Variants in SPIRE2 observed in about 807,000 individuals in gnomAD.
The protein encoded by SPIRE2 is protein spire homolog 2.
SPIRE2 carries 76 observed loss-of-function variants against 80.7 expected under a neutral mutation model. The ratio of observed to expected loss-of-function variants is 0.94; its 90% CI spans 0.78 to 1.14. The LOEUF is 1.14. Among genes scored for constraint, SPIRE2 ranks in the 50% most tolerant of loss-of-function variants. The pLI, the probability that SPIRE2 is intolerant of heterozygous loss-of-function variation, is 0.00. For missense variants in SPIRE2, 1,196 were observed against 1,015.3 expected (o/e 1.18, Z -2.42); for synonymous variants, 535 against 432.6 (o/e 1.24, Z -2.94).
intron 14 of SPIRE2, 64 bp from the exon 15 acceptor site, chr16:89,869,986 G>C (rs1263168713): frequency 5.0e-5 from 71 of 1,430,348 alleles, no homozygotes; most frequent in Non-Finnish European, 6.6e-5. Context: ...GCATGCACAA[G>C]CAGGGAGGGG....
At chr16:89,854,720 A>G (rs12598757) in intron 5 of SPIRE2, 69 bp downstream of exon 5, 108,125 of 1,463,562 alleles carry the variant, frequency 0.074, 5,458 homozygotes, top group African/African-American at 0.18. Context: ...GACGCAGATG[A>G]GCAGCCTGGA....
intron 10 of SPIRE2, among the ~76,000 whole-genome samples, chr16:89,861,537 G>A (rs935370218): frequency 6.6e-6 from 1 of 152,228 alleles, no homozygotes; most frequent in South Asian, 2.1e-4. Flanking sequence ...CGTTAGCCTA[G>A]GATTAGCTAT....
chr16:89,836,164 G>A (rs1228613787), intron 1 of SPIRE2: 1 of 455,638 alleles, frequency 2.2e-6, no homozygotes. Flanking sequence ...GACACAGTGA[G>A]ACTCCATTTC....
intron 14 of SPIRE2, 71 bp downstream of exon 14, chr16:89,869,753 G>A: frequency 8.4e-7 from 1 of 1,188,186 alleles, no homozygotes; most frequent in Non-Finnish European, 1.2e-6. Context: ...GAGCTGGGGT[G>A]GAGGGGGCTG....
chr16:89,838,284 G>A lies in SPIRE2; in HGVS notation c.245-7038G>A, dbSNP rs1226947431. Among the ~76,000 whole-genome samples, 3 of 149,346 alleles carry A rather than the reference G, an allele frequency of 2.0e-5. No homozygotes were observed. In the Admixed American group the frequency reaches 2.1e-4, roughly 10 times the overall value. The stretch of plus-strand genomic sequence containing the variant: ...TGCAAACTCCACCTCCTAGGTTCTT[G>A]CCATTCTCCTGCCTCAGCCTCCTGA... On this transcript the variant is annotated intron_variant, in intron 1 of 14. Transcript: ENST00000378247.
chr16:89,850,870 C>G (rs1045403583), intron 3 of SPIRE2, among the ~76,000 whole-genome samples: 2 of 152,050 alleles, frequency 1.3e-5, no homozygotes, highest in Admixed American at 1.3e-4. Context: ...GGGTCTCACT[C>G]TGTCACCCAG....
At chr16:89,864,248 A>G (rs55911767) in intron 12 of SPIRE2, among the ~76,000 whole-genome samples, 47,717 of 152,028 alleles carry the variant, frequency 0.31, 9,024 homozygotes, top group East Asian at 0.89. Context: ...CGGACTCCCC[A>G]GATGGAGGAG....
At chr16:89,829,358 ATT>A (rs2041357664) in intron 1 of SPIRE2, among the ~76,000 whole-genome samples, 2 of 152,238 alleles carry the variant, frequency 1.3e-5, no homozygotes, top group Non-Finnish European at 2.9e-5. Flanking sequence ...AGAACCAACA[ATT>A]AAGCCCTAGA....
intron 1 of SPIRE2, among the ~76,000 whole-genome samples, chr16:89,836,952 G>A (rs1375241840): frequency 2.6e-5 from 4 of 152,212 alleles, no homozygotes; most frequent in African/African-American, 9.6e-5. Context: ...CCAGGATTGC[G>A]CCATTGCACT....
intron 12 of SPIRE2, among the ~76,000 whole-genome samples, chr16:89,865,994 G>T (rs949441947): frequency 1.4e-5 from 2 of 146,186 alleles, no homozygotes; most frequent in Admixed American, 1.4e-4. Context: ...AAAAGGTAAG[G>T]CTGGATATGG....
intron 9 of SPIRE2, 118 bp downstream of exon 9, chr16:89,859,472 G>A (rs2143820244): frequency 1.9e-6 from 1 of 531,586 alleles, no homozygotes; most frequent in Non-Finnish European, 2.9e-6. Flanking sequence ...AGGGACCCAG[G>A]GAGCTCGTGC....
intron 1 of SPIRE2, among the ~76,000 whole-genome samples, chr16:89,833,332 C>T (rs1252537948): frequency 2.0e-5 from 3 of 152,002 alleles, no homozygotes; most frequent in African/African-American, 4.8e-5. Context: ...ACCATGTTGG[C>T]CAGGCTGGTC....
At chr16:89,844,866 A>G (rs2041542477) in intron 1 of SPIRE2, among the ~76,000 whole-genome samples, 1 of 152,176 alleles carries the variant, frequency 6.6e-6, no homozygotes, top group Non-Finnish European at 1.5e-5. Context: ...TATAGGTGTG[A>G]GCCACCACAT....
chr16:89,836,378 G>A (rs1014149320), intron 1 of SPIRE2: 12 of 391,902 alleles, frequency 3.1e-5, no homozygotes, highest in Admixed American at 5.9e-5. Context: ...ACCGGGGGCC[G>A]AGAATCTGAG....
At chr16:89,861,225 C>T (rs928339701) in intron 10 of SPIRE2, among the ~76,000 whole-genome samples, 7 of 152,166 alleles carry the variant, frequency 4.6e-5, no homozygotes, top group African/African-American at 1.7e-4. Context: ...AAGAGCTCAC[C>T]TTTGCTGACA....
rs2041346098 is a variant in SPIRE2, at chr16:89,828,489, C to T, written c.-62C>T. 3 of 989,438 alleles carry T rather than the reference C, an allele frequency of 3.0e-6. No homozygotes were observed. Among genetic ancestry groups the T allele is most frequent in the Non-Finnish European group, 3.6e-6 (3 of 833,724 alleles). 61.3% of individuals were successfully genotyped at this position (989,438 alleles called of 1,614,324 possible). Reference sequence around the variant, plus strand: ...GCGGGGCGGCCAGGCTGACCCTGCGCGGCGGAAGGCGCGGCTGCATGGACG... The same window carrying T: ...GCGGGGCGGCCAGGCTGACCCTGCGTGGCGGAAGGCGCGGCTGCATGGACG... On this transcript the variant is annotated 5_prime_UTR_variant, in exon 1 of 15. Coordinates refer to ENST00000378247, the MANE Select transcript of SPIRE2 (RefSeq NM_032451.2). This position sits in a 1 kb window ranked among gnomAD's most constrained non-coding sequence, Gnocchi z 5.9.
intron 1 of SPIRE2, among the ~76,000 whole-genome samples, chr16:89,829,924 A>C (rs79857247): frequency 0.019 from 2,894 of 151,332 alleles, 141 homozygotes; most frequent in African/African-American, 0.066. Context: ...CGGCAGGTGC[A>C]TGGGGCCCAG....
At chr16:89,840,245 C>CTTTT (rs778083127) in intron 1 of SPIRE2, among the ~76,000 whole-genome samples, 13 of 133,268 alleles carry the variant, frequency 9.8e-5, no homozygotes, top group Non-Finnish European at 1.5e-4. Flanking sequence ...AACCTGTCAT[C>CTTTT]TTTTTTTTTT....
intron 1 of SPIRE2, chr16:89,836,281 C>G: frequency 2.2e-6 from 1 of 456,020 alleles, no homozygotes; most frequent in South Asian, 1.5e-5. Context: ...TCAACTGCCA[C>G]TGTAAGCTCC....
Sources: gnomAD v4.1 joint callset for allele counts (sites outside exome capture counted in the v4.1 genomes callset) on GRCh38, gnomAD v4.1.1 for gene constraint, Gnocchi (gnomAD v3.1) non-coding constraint, MANE v1.5 for transcripts, NCBI Gene and HGNC (gene_info 2026-07-23, HGNC 2026-07-21) for gene names.